The following CADPS2 variants were observed in gnomAD, a reference collection of about 807,000 sequenced individuals.
CADPS2 encodes calcium-dependent secretion activator 2.
Under a neutral mutation model 172.5 loss-of-function variants are expected in CADPS2, and 93 were observed. The observed-to-expected ratio is 0.54, with a 90% CI of 0.46 to 0.64. The LOEUF (loss-of-function observed/expected upper bound fraction) is 0.64. Ranked by LOEUF, CADPS2 falls within the 30% of genes least tolerant of loss-of-function variation. The probability of loss-of-function intolerance (pLI) is 0.00; values close to 1 mark genes in which losing one functional copy is unlikely to be tolerated. For synonymous variants in CADPS2, 546 were observed against 555.2 expected, an observed-to-expected ratio of 0.98 and a Z score of 0.23; for missense variants, 1,420 against 1,565.9, an observed-to-expected ratio of 0.91 and a Z score of 1.57.
At chr7:122,701,710 C>G (rs2136274483) in intron 2 of CADPS2, 1 of 558,914 alleles carries the variant, frequency 1.8e-6, no homozygotes, top group East Asian at 2.9e-5. Context: ...CAAATTTCAC[C>G]CTTGTTCATA....
intron 22 of CADPS2, 73 bp from the exon 23 acceptor site, chr7:122,388,811 C>G: frequency 1.5e-6 from 2 of 1,319,184 alleles, no homozygotes; most frequent in Non-Finnish European, 2.0e-6. Flanking sequence ...ATTGTTTTTT[C>G]TTTTCTGCAT....
At chr7:122,424,585 G>A (rs2048912981) in intron 17 of CADPS2, 1 of 152,240 alleles carries the variant, frequency 6.6e-6, no homozygotes, top group Non-Finnish European at 1.5e-5. Context: ...AGATCTTAAA[G>A]AGATGATAGT....
chr7:122,483,530 T>C (rs1162087331), intron 11 of CADPS2, among the ~76,000 whole-genome samples: 2 of 152,074 alleles, frequency 1.3e-5, no homozygotes, highest in Non-Finnish European at 2.9e-5. Context: ...CTGGAAATGG[T>C]AATGTACATG....
intron 3 of CADPS2, among the ~76,000 whole-genome samples, chr7:122,645,395 A>G (rs187234631): frequency 0.013 from 680 of 51,202 alleles, 33 homozygotes; most frequent in Non-Finnish European, 0.024. Context: ...ATGTGTGTGT[A>G]TATATGTACA....
chr7:122,770,266 T>G (rs114598019), intron 1 of CADPS2, among the ~76,000 whole-genome samples: 14 of 152,086 alleles, frequency 9.2e-5, no homozygotes, highest in African/African-American at 3.1e-4. Flanking sequence ...CCCTATATCA[T>G]GCAAATCATG....
intron 2 of CADPS2, among the ~76,000 whole-genome samples, chr7:122,714,819 T>C (rs550218306): frequency 6.6e-6 from 1 of 152,296 alleles, no homozygotes; most frequent in Admixed American, 6.5e-5. Context: ...ATTTGAGTCT[T>C]TACTTAACAT....
At chr7:122,800,006 C>T (rs999763989) in intron 1 of CADPS2, among the ~76,000 whole-genome samples, 22 of 152,166 alleles carry the variant, frequency 1.4e-4, no homozygotes, top group Non-Finnish European at 8.8e-5. Context: ...CTCTACTACT[C>T]GGTTATCCTG....
intron 14 of CADPS2, among the ~76,000 whole-genome samples, chr7:122,463,766 T>C (rs1439077086): frequency 2.0e-5 from 3 of 152,210 alleles, no homozygotes; most frequent in Non-Finnish European, 4.4e-5. Flanking sequence ...ACAAGTACTA[T>C]AGCCTAGTTG....
intron 25 of CADPS2, chr7:122,378,839 G>C (rs939203330): frequency 6.6e-6 from 1 of 152,458 alleles, no homozygotes; most frequent in African/African-American, 2.4e-5. Flanking sequence ...ATCACTAAAT[G>C]ATGCGCCCAC....
chr7:122,803,904 A>T (rs1798194469), intron 1 of CADPS2, among the ~76,000 whole-genome samples: 1 of 150,370 alleles, frequency 6.7e-6, no homozygotes, highest in Non-Finnish European at 1.5e-5. Context: ...ATAAAGTGAG[A>T]ATTCCTGTAC....
intron 2 of CADPS2, among the ~76,000 whole-genome samples, chr7:122,696,607 G>A (rs2085143261): frequency 6.6e-6 from 1 of 152,054 alleles, no homozygotes; most frequent in African/African-American, 2.4e-5. Context: ...TCTTCACTAG[G>A]TCACCCTCCA....
chr7:122,537,478 C>T (rs2062427307), intron 8 of CADPS2, among the ~76,000 whole-genome samples: 1 of 150,578 alleles, frequency 6.6e-6, no homozygotes, highest in African/African-American at 2.4e-5. Flanking sequence ...TCAACATAAG[C>T]AGAAAAAAAG....
At chr7:122,629,406 C>T (rs2076369646) in intron 3 of CADPS2, 78 bp from the exon 4 acceptor site, 1 of 928,894 alleles carries the variant, frequency 1.1e-6, no homozygotes, top group Admixed American at 3.1e-5. Flanking sequence ...GGCAGTCCCA[C>T]AGACTAAGGC....
chr7:122,326,695 C>A (rs1400015552), intron 28 of CADPS2, among the ~76,000 whole-genome samples: 1 of 151,958 alleles, frequency 6.6e-6, no homozygotes, highest in Non-Finnish European at 1.5e-5. Flanking sequence ...AAAAAATTTT[C>A]TCTACATAAT....
intron 1 of CADPS2, among the ~76,000 whole-genome samples, chr7:122,882,661 T>C (rs1390579820): frequency 6.6e-6 from 1 of 151,964 alleles, no homozygotes; most frequent in Non-Finnish European, 1.5e-5. Flanking sequence ...TCTCAATGTT[T>C]TTCATAAGTC....
intron 17 of CADPS2, among the ~76,000 whole-genome samples, chr7:122,434,738 C>A (rs1339213446): frequency 6.6e-6 from 1 of 152,188 alleles, no homozygotes; most frequent in Admixed American, 6.5e-5. Flanking sequence ...AGCGACTCAG[C>A]GAACTCTTTC....
chr7:122,368,038 T>C (rs916920282), intron 25 of CADPS2: 5 of 152,360 alleles, frequency 3.3e-5, no homozygotes, highest in African/African-American at 4.8e-5. Context: ...TGTGATTACA[T>C]TGGGCTCACC....
intron 5 of CADPS2, among the ~76,000 whole-genome samples, chr7:122,620,670 T>C (rs983327272): frequency 1.3e-5 from 2 of 152,164 alleles, no homozygotes; most frequent in South Asian, 4.2e-4. Flanking sequence ...GTAATAAAAC[T>C]TGAAGTCCTG....
chr7:122,477,036 AGGAGAG>A (rs1563448531), intron 12 of CADPS2, among the ~76,000 whole-genome samples: 2,463 of 80,798 alleles, frequency 0.03, 51 homozygotes, highest in African/African-American at 0.071. Context: ...AGGAGAGGAG[AGGAGAG>A]GAGAGAGAGA....
Sources: allele counts gnomAD v4.1 joint callset (sites outside exome capture counted in the v4.1 genomes callset), GRCh38; gene constraint gnomAD v4.1.1; transcripts MANE v1.5; gene names NCBI Gene and HGNC (gene_info 2026-07-23, HGNC 2026-07-21).